LGSN: variants seen among roughly 807,000 people sequenced by gnomAD.
LGSN encodes lengsin, lens protein with glutamine synthetase domain, also known as lengsin.
LGSN carries 21 observed loss-of-function variants against 19.5 expected under a neutral mutation model. The ratio of observed to expected loss-of-function variants is 1.07; its 90% CI spans 0.76 to 1.55. LGSN has a LOEUF of 1.55. Ranked by LOEUF, LGSN falls within the 40% of genes most tolerant of loss-of-function variation. The probability of loss-of-function intolerance (pLI) is 0.00; values close to 1 mark genes in which losing one functional copy is unlikely to be tolerated. For missense variants in LGSN, 673 were observed against 608.5 expected (o/e 1.11, Z -1.12); for synonymous variants, 257 against 215.6 (o/e 1.19, Z -1.68).
At chr6:63,325,599 G>T in the LGSN span, among the ~76,000 whole-genome samples, 1 of 152,178 alleles carries the variant, frequency 6.6e-6, no homozygotes, top group African/African-American at 2.4e-5. Flanking sequence ...CAGTAATAAT[G>T]TGTCCGGAAT....
chr6:63,572,816 A>C, the LGSN span: 1 of 395,860 alleles, frequency 2.5e-6, no homozygotes, highest in Admixed American at 4.4e-5. Flanking sequence ...CGTCTCCTCC[A>C]GGTTGCCCCG....
At chr6:63,344,960 T>C in the LGSN span, among the ~76,000 whole-genome samples, 1 of 152,194 alleles carries the variant, frequency 6.6e-6, no homozygotes. Context: ...AAGTCTTATG[T>C]GTTCATCAAA....
chr6:63,342,846 G>T, the LGSN span, among the ~76,000 whole-genome samples: 1 of 152,164 alleles, frequency 6.6e-6, no homozygotes, highest in Non-Finnish European at 1.5e-5. Flanking sequence ...GTGTCATTTA[G>T]CCTTAATCCT....
chr6:63,420,547 C>T, the LGSN span, among the ~76,000 whole-genome samples: 14 of 152,252 alleles, frequency 9.2e-5, no homozygotes, highest in Non-Finnish European at 1.6e-4. Flanking sequence ...GGTACTAATA[C>T]TCCTTCCAGT....
chr6:63,569,406 G>T, the LGSN span, among the ~76,000 whole-genome samples: 6 of 152,236 alleles, frequency 3.9e-5, no homozygotes, highest in South Asian at 1.2e-3. Context: ...AGAGGTGCCT[G>T]CCACCATGCC....
At chr6:63,463,644 G>T in the LGSN span, among the ~76,000 whole-genome samples, 3 of 152,152 alleles carry the variant, frequency 2.0e-5, no homozygotes, top group African/African-American at 4.8e-5. Context: ...TATGAGGCAT[G>T]ATATTATTTG....
chr6:63,286,957 C>G (rs1031349999), intron 2 of LGSN, among the ~76,000 whole-genome samples: 4 of 152,148 alleles, frequency 2.6e-5, no homozygotes, highest in Non-Finnish European at 5.9e-5. Flanking sequence ...TACTCTAGCC[C>G]AAGTAAATGT....
chr6:63,289,020 G>A (rs1369710671), intron 2 of LGSN, among the ~76,000 whole-genome samples: 3 of 152,078 alleles, frequency 2.0e-5, no homozygotes, highest in Non-Finnish European at 4.4e-5. Flanking sequence ...GTCCAAATTG[G>A]CACCTGCCAC....
the LGSN span, among the ~76,000 whole-genome samples, chr6:63,378,852 T>C: frequency 1.3e-5 from 2 of 152,198 alleles, no homozygotes; most frequent in Non-Finnish European, 2.9e-5. Context: ...AACATGTGAT[T>C]TGGGGGACAA....
the LGSN span, among the ~76,000 whole-genome samples, chr6:63,498,170 G>C: frequency 5.1e-4 from 78 of 151,862 alleles, no homozygotes; most frequent in African/African-American, 1.7e-3. Flanking sequence ...CACCCGTCTT[G>C]GCCTCCCAAA....
chr6:63,505,659 GTTTTGTTT>G, the LGSN span, among the ~76,000 whole-genome samples: 1 of 36,218 alleles, frequency 2.8e-5, no homozygotes, highest in East Asian at 6.2e-4. Flanking sequence ...TTTTTGTTTT[GTTTTGTTT>G]TGTTTTGTTT....
chr6:63,345,263 G>C, the LGSN span, among the ~76,000 whole-genome samples: 1 of 152,060 alleles, frequency 6.6e-6, no homozygotes, highest in African/African-American at 2.4e-5. Flanking sequence ...TAGTAAGGTG[G>C]TTTCTTTTTT....
the LGSN span, among the ~76,000 whole-genome samples, chr6:63,360,968 G>A: frequency 6.6e-6 from 1 of 152,234 alleles, no homozygotes; most frequent in Non-Finnish European, 1.5e-5. Flanking sequence ...CTGCAGAACA[G>A]CGGATATTGG....
At chr6:63,503,332 C>G in the LGSN span, among the ~76,000 whole-genome samples, 25 of 152,276 alleles carry the variant, frequency 1.6e-4, no homozygotes, top group Admixed American at 3.9e-4. Context: ...AGGAAACTTA[C>G]TGAAATATAT....
the LGSN span, among the ~76,000 whole-genome samples, chr6:63,553,087 TAG>T: frequency 2.6e-5 from 4 of 152,210 alleles, no homozygotes; most frequent in African/African-American, 9.6e-5. Context: ...TGCAAAGTAG[TAG>T]AGAGAATGTA....
At chr6:63,443,748 G>A in the LGSN span, among the ~76,000 whole-genome samples, 7 of 152,254 alleles carry the variant, frequency 4.6e-5, no homozygotes, top group Admixed American at 1.3e-4. Flanking sequence ...TCATTCCTTA[G>A]TCAGGGTTTC....
the LGSN span, among the ~76,000 whole-genome samples, chr6:63,462,553 C>T: frequency 1.3e-5 from 2 of 152,322 alleles, no homozygotes; most frequent in South Asian, 4.1e-4. Flanking sequence ...AGGAGAATCA[C>T]TTGAAACTGA....
the LGSN span, among the ~76,000 whole-genome samples, chr6:63,486,753 T>C: frequency 2.4e-4 from 36 of 148,788 alleles, no homozygotes; most frequent in African/African-American, 8.9e-4. Context: ...GGTGTGATTA[T>C]GGCTCACTGC....
chr6:63,307,718 C>A (rs1768451607), intron 1 of LGSN, among the ~76,000 whole-genome samples: 2 of 152,170 alleles, frequency 1.3e-5, no homozygotes, highest in African/African-American at 4.8e-5. Context: ...ACAAATATTG[C>A]CTGGGCACTA....
Sources: allele counts gnomAD v4.1 joint callset (sites outside exome capture counted in the v4.1 genomes callset), GRCh38; gene constraint gnomAD v4.1.1; transcripts MANE v1.5; gene names NCBI Gene and HGNC (gene_info 2026-07-23, HGNC 2026-07-21).